The following HNF1A variants were observed in gnomAD, a reference collection of about 807,000 sequenced individuals.
HNF1A encodes hepatocyte nuclear factor 1-alpha.
HNF1A carries 21 observed loss-of-function variants against 62.2 expected under a neutral mutation model. The observed-to-expected ratio is 0.34, with a 90% CI of 0.24 to 0.49. The LOEUF is 0.49. Ranked by LOEUF, HNF1A falls within the 20% of genes least tolerant of loss-of-function variation. HNF1A has a pLI of 0.99. For synonymous variants in HNF1A, 374 were observed against 366.8 expected, an observed-to-expected ratio of 1.02 and a Z score of -0.22; for missense variants, 687 against 832.3, an observed-to-expected ratio of 0.83 and a Z score of 2.15.
intron 2 of HNF1A, among the ~76,000 whole-genome samples, chr12:120,991,631 GTATGTATGTA>G (rs1454224358): frequency 1.1e-5 from 1 of 90,466 alleles, no homozygotes; most frequent in African/African-American, 4.4e-5. Context: ...TATGTATGAT[GTATGTATGTA>G]TGCATGCATG....
At chr12:120,989,156 T>C (rs942654367) in intron 2 of HNF1A, 124 bp downstream of exon 2, 4 of 960,580 alleles carry the variant, frequency 4.2e-6, no homozygotes, top group Admixed American at 2.0e-5. Flanking sequence ...AGGAAGTCAG[T>C]GGGATTCAAC....
Position 120,986,596 on chromosome 12 carries a change from T to C in HNF1A, c.327-2237T>C, listed in dbSNP as rs543531547. ...AACTTTTTGTTTGTTTGTTTGTTTT[T>C]TGAGACGGAGTCTCACTCTGTTGCC... On this transcript the variant is annotated intron_variant, in intron 1 of 9. Coordinates refer to ENST00000257555, the MANE Select transcript of HNF1A (RefSeq NM_000545.8). Among the ~76,000 whole-genome samples, 4 of 152,304 alleles carry C rather than the reference T, an allele frequency of 2.6e-5. No homozygotes were observed. The East Asian group carries it at 7.7e-4, about 29-fold the overall frequency.
At chr12:120,993,272 T>C (rs1295474247) in intron 2 of HNF1A, among the ~76,000 whole-genome samples, 1 of 152,204 alleles carries the variant, frequency 6.6e-6, no homozygotes, top group Admixed American at 6.5e-5. Context: ...GGTGAGATCA[T>C]ATCTTGGGTT....
Position 121,001,245 on chromosome 12 carries a change from G to T in HNF1A, c.*53G>T. ...ACTGCCTGCTTGGGGGGTGATGAGG[G>T]CAGCAGCCAGCCCTGCCTGGAGGAC... On this transcript the variant is annotated 3_prime_UTR_variant, in exon 10 of 10. Transcript: ENST00000257555. 1.2e-6 allele frequency: 2 copies of T among 1,603,348 alleles called. No individual in the cohort carries two copies.
chr12:120,990,652 GTA>G (rs1876785125), intron 2 of HNF1A, among the ~76,000 whole-genome samples: 36 of 96,516 alleles, frequency 3.7e-4, no homozygotes, highest in African/African-American at 1.4e-3. Flanking sequence ...GGGAGGAAAG[GTA>G]GGAAAGGGAG....
In HNF1A at chr12:120,984,325, G is replaced by A. The variant is rs545615610; in HGVS notation, c.327-4508G>A. ...TTCAAGTTCAGCTTAAATTTGACCT[G>A]GCATGAGAGAATGAGAATGAGAGAG... On this transcript the variant is annotated intron_variant, in intron 1 of 9. Transcript: ENST00000257555. Among the ~76,000 whole-genome samples the A allele has an allele frequency of 4.9e-5, 5 of 102,208 alleles. No homozygotes were observed. In the Admixed American group the frequency reaches 5.8e-4, roughly 12 times the overall value. The allele number at this position is 102,208 out of a possible 152,430, so 67.1% of individuals were successfully genotyped here.
At chr12:120,991,060 A>G (rs1565884712) in intron 2 of HNF1A, among the ~76,000 whole-genome samples, 1 of 152,200 alleles carries the variant, frequency 6.6e-6, no homozygotes, top group Non-Finnish European at 1.5e-5. Flanking sequence ...CTGGCCACCT[A>G]CTGAAGGACT....
intron 6 of HNF1A, chr12:120,997,110 A>T: frequency 7.1e-7 from 1 of 1,405,330 alleles, no homozygotes; most frequent in Non-Finnish European, 9.3e-7. Flanking sequence ...AATTATGCAG[A>T]AGCCCAGTAC....
Position 120,986,978 on chromosome 12 carries a change from T to G in HNF1A, c.327-1855T>G, listed in dbSNP as rs535011501. ...AGAGCAGGAGAGGAGGAGAGAAAAT[T>G]TATATGGCTCAGGCAGTCTGATCCC... On this transcript the variant is annotated intron_variant, in intron 1 of 9. Transcript: ENST00000257555. Among the ~76,000 whole-genome samples, 3 of 151,954 alleles carry G rather than the reference T, an allele frequency of 2.0e-5. No homozygotes were observed. The South Asian group carries it at 6.2e-4, about 32-fold the overall frequency.
At chr12:120,979,161 GC>G in intron 1 of HNF1A, 67 bp downstream of exon 1, 3 of 1,417,172 alleles carry the variant, frequency 2.1e-6, no homozygotes. Context: ...CTCCTAACGA[GC>G]CCCCCTTCTG....
intron 1 of HNF1A, among the ~76,000 whole-genome samples, chr12:120,987,474 CAAA>C (rs59729082): frequency 1.6e-5 from 1 of 62,302 alleles, no homozygotes. Context: ...GACTCCATCT[CAAA>C]AAAAAAAAAA....
intron 1 of HNF1A, among the ~76,000 whole-genome samples, chr12:120,985,494 A>G (rs552140366): frequency 3.1e-4 from 47 of 149,268 alleles, no homozygotes; most frequent in African/African-American, 1.1e-3. Flanking sequence ...AAAAAAAAAA[A>G]ATAGAAAAAA....
Position 121,001,181 on chromosome 12 carries a change from TCCTC to T in HNF1A, c.1888_1891del (p.Gln631AsnfsTer28), listed in dbSNP as rs768672889. 2 of 1,613,882 alleles carry T rather than the reference TCCTC, an allele frequency of 1.2e-6. No homozygotes were observed. The highest frequency in any genetic ancestry group is 1.7e-6 in the Non-Finnish European group (2 of 1,179,978). ...CTTCATCTCCACCCAGATGGCCTCT[TCCTC>T]CCAGTAACCACGGCACCTGGGCCCT... On this transcript the variant is annotated frameshift_variant, in exon 10 of 10. Transcript: ENST00000257555. LOFTEE classifies it high-confidence loss of function.
intron 2 of HNF1A, among the ~76,000 whole-genome samples, chr12:120,990,144 ATTTT>A (rs781218891): frequency 4.0e-5 from 6 of 151,508 alleles, no homozygotes; most frequent in African/African-American, 1.5e-4. Context: ...TTTTTTTATT[ATTTT>A]TTTATTTTTT....
chr12:120,987,882 G>A (rs544481008), intron 1 of HNF1A, among the ~76,000 whole-genome samples: 1 of 152,072 alleles, frequency 6.6e-6, no homozygotes, highest in East Asian at 1.9e-4. Context: ...TTGAGACAGG[G>A]TCTTGTTCTG....
Position 120,978,867 on chromosome 12 carries a change from G to A in HNF1A, c.99G>A (p.Pro33=), listed in dbSNP as rs538619966. ...CACTGATCCAGGCACTGGGTGAGCC[G>A]GGGCCCTACCTCCTGGCTGGAGAAG... The part of the protein sequence containing the change: ...KEALIQALGE[P]GPYLLAGEGP... The change falls in exon 1 of 10, where the codon CCG becomes CCA. Residue 33 remains proline (P), a synonymous_variant. Coordinates refer to ENST00000257555, the MANE Select transcript of HNF1A (RefSeq NM_000545.8). 23 of 1,613,332 alleles carry A rather than the reference G, an allele frequency of 1.4e-5. No individual in the cohort carries two copies. In the Admixed American group the frequency reaches 2.2e-4, roughly 15 times the overall value.
In HNF1A at chr12:121,001,250, AGCCAGCCCT is replaced by A; in HGVS notation, c.*62_*70del. On this transcript the variant is annotated 3_prime_UTR_variant, in exon 10 of 10. Transcript: ENST00000257555. ...CTGCTTGGGGGGTGATGAGGGCAGCAGCCAGCCCTGCCTGGAGGACCTGAGCCTGCCGAG... is the reference window on the plus strand; with the variant it reads ...CTGCTTGGGGGGTGATGAGGGCAGCAGCCTGGAGGACCTGAGCCTGCCGAG... 6.2e-7 allele frequency: 1 copy of A among 1,601,282 alleles called. No individual in the cohort carries two copies. The highest frequency in any genetic ancestry group is 8.5e-7 in the Non-Finnish European group (1 of 1,173,992).
At chr12:120,993,474 AG>A in intron 2 of HNF1A, 45 bp from the exon 3 acceptor site, 1 of 1,585,716 alleles carries the variant, frequency 6.3e-7, no homozygotes, top group Non-Finnish European at 8.7e-7. Context: ...GGACGTGGGA[AG>A]GTGAGAGTGG....
In HNF1A at chr12:120,996,912, CCAAA is replaced by C; in HGVS notation, c.1309+173_1309+176del. 1 of 1,509,648 alleles carries C rather than the reference CCAAA, an allele frequency of 6.6e-7. No homozygotes were observed. The highest frequency in any genetic ancestry group is 1.2e-5 in the South Asian group (1 of 82,388). The allele number at this position is 1,509,648 out of a possible 1,614,324, so 93.5% of individuals were successfully genotyped here. A position where few individuals can be genotyped will look rare whatever the true frequency, so the allele number is the denominator to read the frequency against. On this transcript the variant is annotated intron_variant, in intron 6 of 9. Transcript: ENST00000257555. The surrounding 1 kb of genome is among the most constrained non-coding windows in gnomAD (Gnocchi z 4.5). ...GCTACATCAGTGATACCTGGGTGAACCAAACAGACCAAAATCTCAGCAACTCAAG... is the reference window on the plus strand; with the variant it reads ...GCTACATCAGTGATACCTGGGTGAACCAGACCAAAATCTCAGCAACTCAAG...
Sources: allele counts gnomAD v4.1 joint callset (sites outside exome capture counted in the v4.1 genomes callset), GRCh38; gene constraint gnomAD v4.1.1; non-coding constraint Gnocchi (gnomAD v3.1); transcripts MANE v1.5; gene names NCBI Gene and HGNC (gene_info 2026-07-23, HGNC 2026-07-21).